Variants in TNKS observed in about 807,000 individuals in gnomAD.
TNKS encodes the protein poly [ADP-ribose] polymerase tankyrase-1.
A neutral mutation model predicts 135.8 loss-of-function variants in TNKS; 72 were observed. The observed-to-expected ratio is 0.53, with a 90% CI of 0.44 to 0.64. The LOEUF (loss-of-function observed/expected upper bound fraction) is 0.64. Ranked by LOEUF, TNKS falls within the 30% of genes least tolerant of loss-of-function variation. The pLI is 0.00. For missense variants in TNKS, 1,769 were observed against 1,674.0 expected (o/e 1.06, Z -0.99); for synonymous variants, 849 against 649.3 (o/e 1.31, Z -4.68).
intron 1 of TNKS, among the ~76,000 whole-genome samples, chr8:9,563,782 A>G (rs907502038): frequency 6.6e-6 from 1 of 151,776 alleles, no homozygotes; most frequent in African/African-American, 2.4e-5. Context: ...CTTTGTGGGC[A>G]TTTTTTTCTG....
chr8:9,694,911 T>C (rs1223395424), intron 5 of TNKS, among the ~76,000 whole-genome samples: 1 of 152,198 alleles, frequency 6.6e-6, no homozygotes, highest in African/African-American at 2.4e-5. Context: ...TATTTTATGC[T>C]TTTAGATGAA....
intron 1 of TNKS, among the ~76,000 whole-genome samples, chr8:9,568,492 A>C (rs1372633991): frequency 6.6e-6 from 1 of 152,206 alleles, no homozygotes; most frequent in African/African-American, 2.4e-5. Context: ...ATTTAAAATG[A>C]ATATAATATT....
Position 9,701,696 on chromosome 8 carries a change from C to T in TNKS, c.1108-2967C>T, listed in dbSNP as rs553460676. Among the ~76,000 whole-genome samples the T allele has an allele frequency of 1.3e-4, 20 of 152,240 alleles. 1 individual carries two copies. The highest frequency in any genetic ancestry group is 4.3e-4 in the African/African-American group (18 of 41,540). On this transcript the variant is annotated intron_variant, in intron 5 of 26. Coordinates refer to ENST00000310430, the MANE Select transcript of TNKS (RefSeq NM_003747.3). ...AGAGAGGGTAACAACTCCAACTTAC[C>T]GCCTCCAAAGAATTTCCAGGCCTTA...
intron 3 of TNKS, among the ~76,000 whole-genome samples, chr8:9,618,322 A>G (rs563903924): frequency 6.6e-6 from 1 of 152,324 alleles, no homozygotes; most frequent in Non-Finnish European, 1.5e-5. Flanking sequence ...ATAAAGCTAT[A>G]CAAAGCAACA....
At chr8:9,755,613 T>G (rs1035900408) in intron 20 of TNKS, among the ~76,000 whole-genome samples, 1 of 152,256 alleles carries the variant, frequency 6.6e-6, no homozygotes, top group African/African-American at 2.4e-5. Flanking sequence ...CCCATTAACA[T>G]TCTATATCAG....
At position 9,720,430 on chromosome 8, in the gene TNKS, T is replaced by C. The variant is rs6601360; in HGVS notation, c.1806T>C (p.Gly602=). The change falls in exon 12 of 27, where the codon GGT becomes GGC. Residue 602 remains glycine (G), a synonymous_variant. Transcript: ENST00000310430. ...QTALHRAALA[G]HLQTCRLLLS... Reference sequence around the variant, plus strand: ...CTTTGCATAGAGCCGCCCTAGCAGGTCACCTGCAGACCTGCCGCCTCCTGC... The same window carrying C: ...CTTTGCATAGAGCCGCCCTAGCAGGCCACCTGCAGACCTGCCGCCTCCTGC... The C allele has an allele frequency of 1, 1,606,969 of 1,614,074 alleles. 800,131 individuals carry two copies. The highest frequency in any genetic ancestry group is 1 in the East Asian group (44,856 of 44,858).
intron 23 of TNKS, among the ~76,000 whole-genome samples, 155 bp downstream of exon 23, chr8:9,764,945 T>C (rs1034458504): frequency 6.6e-6 from 1 of 152,200 alleles, no homozygotes; most frequent in African/African-American, 2.4e-5. Context: ...CTCACTACAA[T>C]ATCTCTAACT....
Position 9,781,205 on chromosome 8 carries a change from C to T in TNKS, c.*4469C>T, listed in dbSNP as rs1344405973. Reference sequence around the variant, plus strand: ...TCCTTTCACATTCTTTTTTGCTTTACACTTCACGTCTTCGCACCTGCCCTA... The same window carrying T: ...TCCTTTCACATTCTTTTTTGCTTTATACTTCACGTCTTCGCACCTGCCCTA... On this transcript the variant is annotated 3_prime_UTR_variant, in exon 27 of 27. Transcript: ENST00000310430. The T allele has an allele frequency of 3.9e-5, 6 of 152,096 alleles. No homozygotes were observed. Among genetic ancestry groups the T allele is most frequent in the African/African-American group, 1.4e-4 (6 of 41,398 alleles). 9.4% of individuals were successfully genotyped at this position (152,096 alleles called of 1,614,324 possible). A position where few individuals can be genotyped will look rare whatever the true frequency, so the allele number is the denominator to read the frequency against.
chr8:9,556,100 C>T lies in TNKS; in HGVS notation c.161C>T (p.Ala54Val). The change falls in exon 1 of 27, where the codon GCC becomes GTC. Residue 54 changes from alanine (A) to valine (V), a missense_variant. Transcript: ENST00000310430. ...GCCTCTCCCACGGCCAGCGGCCTGG[C>T]CCCCTTCGCCTCCCCGCGGCACGGC... is the stretch of plus-strand genomic sequence containing the variant. ...TPASPTASGLAPFASPRHGLA... is the reference protein window; with the variant it reads ...TPASPTASGLVPFASPRHGLA... 6.2e-7 allele frequency: 1 copy of T among 1,600,528 alleles called. No individual in the cohort carries two copies. Among genetic ancestry groups the T allele is most frequent in the Non-Finnish European group, 8.5e-7 (1 of 1,174,270 alleles).
At chr8:9,675,077 G>C (rs1802480156) in intron 3 of TNKS, among the ~76,000 whole-genome samples, 1 of 152,178 alleles carries the variant, frequency 6.6e-6, no homozygotes, top group Admixed American at 6.5e-5. Flanking sequence ...AAGTATAGCA[G>C]AGTATCAGTC....
intron 3 of TNKS, among the ~76,000 whole-genome samples, chr8:9,646,899 C>T (rs57482128): frequency 0.069 from 10,559 of 151,998 alleles, 411 homozygotes; most frequent in South Asian, 0.16. Context: ...CACTATTATG[C>T]GACTTTAAAA....
Position 9,581,187 on chromosome 8 carries a change from A to G in TNKS, c.898+804A>G, listed in dbSNP as rs117441226. On this transcript the variant is annotated intron_variant, in intron 2 of 26. Coordinates refer to ENST00000310430, the MANE Select transcript of TNKS (RefSeq NM_003747.3). ...GCAACTAAAATATACATGACATTTT[A>G]AAAGATATAGTGGTGGTGCTTAGTA... Among the ~76,000 whole-genome samples, 32 of 152,328 alleles carry G rather than the reference A, an allele frequency of 2.1e-4. No individual in the cohort carries two copies. The East Asian group carries it at 4.2e-3, about 20-fold the overall frequency.
chr8:9,723,154 G>T (rs1244510810), intron 12 of TNKS, among the ~76,000 whole-genome samples: 5 of 144,374 alleles, frequency 3.5e-5, no homozygotes, highest in East Asian at 2.0e-4. Flanking sequence ...CCTCCAAAAG[G>T]TTTTTTTTTT....
In TNKS at chr8:9,778,194, C is replaced by G. The variant is rs1808311518; in HGVS notation, c.*1458C>G. Reference sequence around the variant, plus strand: ...CTTACACTTGCCCTTTTCACCTTAACTGAATATGAATTGAGTGCACTAACT... The same window carrying G: ...CTTACACTTGCCCTTTTCACCTTAAGTGAATATGAATTGAGTGCACTAACT... On this transcript the variant is annotated 3_prime_UTR_variant, in exon 27 of 27. Transcript: ENST00000310430. 1 of 152,516 alleles carries G rather than the reference C, an allele frequency of 6.6e-6. No homozygotes were observed. Among genetic ancestry groups the G allele is most frequent in the Admixed American group, 6.6e-5 (1 of 15,260 alleles). 9.4% of individuals were successfully genotyped at this position (152,516 alleles called of 1,614,324 possible). A position where few individuals can be genotyped will look rare whatever the true frequency, so the allele number is the denominator to read the frequency against.
intron 6 of TNKS, among the ~76,000 whole-genome samples, chr8:9,705,373 C>T (rs1462044761): frequency 6.6e-6 from 1 of 152,096 alleles, no homozygotes. Context: ...TCTCATTGCC[C>T]CACTTTAAGA....
At chr8:9,754,470 T>G (rs1306492433) in intron 20 of TNKS, among the ~76,000 whole-genome samples, 1 of 152,196 alleles carries the variant, frequency 6.6e-6, no homozygotes, top group Non-Finnish European at 1.5e-5. Context: ...TTTTTTCTTA[T>G]TTATATCAAT....
intron 11 of TNKS, among the ~76,000 whole-genome samples, chr8:9,719,597 C>G (rs1804770958): frequency 6.6e-6 from 1 of 152,124 alleles, no homozygotes; most frequent in Non-Finnish European, 1.5e-5. Context: ...TACACTGGAT[C>G]TCAGGAGCCA....
intron 22 of TNKS, among the ~76,000 whole-genome samples, chr8:9,763,590 G>A (rs919954071): frequency 6.6e-6 from 1 of 152,192 alleles, no homozygotes; most frequent in Non-Finnish European, 1.5e-5. Context: ...GCCTCATAGA[G>A]AGCAAATATG....
chr8:9,647,148 CCGCAAACA>C (rs1229783220), intron 3 of TNKS, among the ~76,000 whole-genome samples: 1 of 152,158 alleles, frequency 6.6e-6, no homozygotes, highest in East Asian at 1.9e-4. Flanking sequence ...AAGCAACAAC[CCGCAAACA>C]CGCATAGAAA....
Sources: gnomAD v4.1 joint callset for allele counts (sites outside exome capture counted in the v4.1 genomes callset) on GRCh38, gnomAD v4.1.1 for gene constraint, MANE v1.5 for transcripts, NCBI Gene and HGNC (gene_info 2026-07-23, HGNC 2026-07-21) for gene names.